PRELID3B: variants seen among roughly 807,000 people sequenced by gnomAD.
PRELID3B encodes PRELI domain containing protein 3B.
A neutral mutation model predicts 24.0 loss-of-function variants in PRELID3B; 15 were observed. The ratio of observed to expected loss-of-function variants is 0.63; its 90% CI spans 0.42 to 0.96. The LOEUF is 0.96. PRELID3B is among the 40% of genes least tolerant of loss of function. PRELID3B has a pLI of 0.00. For missense variants in PRELID3B, 189 were observed against 236.0 expected (o/e 0.80, Z 1.30); for synonymous variants, 62 against 76.0 (o/e 0.82, Z 0.96).
chr20:59,041,242 C>T (rs991415512), intron 1 of PRELID3B, among the ~76,000 whole-genome samples: 17 of 152,120 alleles, frequency 1.1e-4, no homozygotes, highest in African/African-American at 3.4e-4. Context: ...GTGATGAATG[C>T]GACCAGGTTA....
Position 59,034,889 on chromosome 20 carries a change from T to TTAA in PRELID3B, c.*117_*118insTTA. 2 of 545,186 alleles carry TTAA rather than the reference T, an allele frequency of 3.7e-6. No homozygotes were observed. Among genetic ancestry groups the TTAA allele is most frequent in the Non-Finnish European group, 5.1e-6 (2 of 388,562 alleles). 33.8% of individuals were successfully genotyped at this position (545,186 alleles called of 1,614,324 possible). A position where few individuals can be genotyped will look rare whatever the true frequency, so the allele number is the denominator to read the frequency against. On this transcript the variant is annotated 3_prime_UTR_variant, in exon 6 of 6. Coordinates refer to ENST00000355937, the MANE Select transcript of PRELID3B (RefSeq NM_016045.3). ...AGTCACATAGCCTTACACCAACTTATCAAAAAAAAAAAAAAAAAAACTACC... is the reference window on the plus strand; with the variant it reads ...AGTCACATAGCCTTACACCAACTTATTAACAAAAAAAAAAAAAAAAAAACTACC...
chr20:59,036,608 C>T (rs2092074258), intron 4 of PRELID3B, 35 bp from the exon 5 acceptor site: 2 of 1,592,386 alleles, frequency 1.3e-6, no homozygotes, highest in African/African-American at 2.7e-5. Flanking sequence ...GTTCAGATGA[C>T]CCAGCTTTCA....
chr20:59,038,249 G>A (rs780753951), intron 2 of PRELID3B: 27 of 449,038 alleles, frequency 6.0e-5, no homozygotes, highest in Non-Finnish European at 9.8e-5. Flanking sequence ...GCATTAGCTG[G>A]CTTCCTTAAG....
At chr20:59,039,126 T>C (rs150243204) in intron 1 of PRELID3B, among the ~76,000 whole-genome samples, 118 of 152,326 alleles carry the variant, frequency 7.7e-4, no homozygotes, top group African/African-American at 2.8e-3. Flanking sequence ...ATCCAAAGCA[T>C]TGATTTAATT....
intron 3 of PRELID3B, 100 bp downstream of exon 3, chr20:59,037,091 A>AC: frequency 1.1e-6 from 1 of 877,474 alleles, no homozygotes; most frequent in Non-Finnish European, 1.8e-6. Context: ...GATTCTCTGA[A>AC]CCACATCATG....
In PRELID3B at chr20:59,035,021, A is replaced by T; in HGVS notation, c.571T>A (p.Phe191Ile). Residue 191 changes from phenylalanine to isoleucine, a missense_variant, in exon 6 of 6, where the codon TTT becomes ATT. Coordinates refer to ENST00000355937, the MANE Select transcript of PRELID3B (RefSeq NM_016045.3). ...AACTGTCACGATCACTTCTCTGCAA[A>T]CGCTGCTGCTGCCATTGGAGTCCTT... ...TIRTPMAAAA[F>I]AEK The T allele has an allele frequency of 6.2e-7, 1 of 1,613,400 alleles. No homozygotes were observed. Among genetic ancestry groups the T allele is most frequent in the Non-Finnish European group, 8.5e-7 (1 of 1,179,730 alleles).
chr20:59,035,473 G>A (rs2146390125), intron 5 of PRELID3B, among the ~76,000 whole-genome samples: 1 of 152,268 alleles, frequency 6.6e-6, no homozygotes, highest in Non-Finnish European at 1.5e-5. Context: ...AAAATCCTGT[G>A]CAAGGTCCTG....
In PRELID3B at chr20:59,035,092, AATTTATG is replaced by A; in HGVS notation, c.493_499del (p.His165Ter). The A allele has an allele frequency of 6.2e-7, 1 of 1,613,668 alleles. No homozygotes were observed. The highest frequency in any genetic ancestry group is 8.5e-7 in the Non-Finnish European group (1 of 1,179,836). ...TGTCAGTTCTTCAATCTCAGCATTTAATTTATGTATTACCCATTCCATTGCTTCTCGG... is the reference window on the plus strand; with the variant it reads ...TGTCAGTTCTTCAATCTCAGCATTTATATTACCCATTCCATTGCTTCTCGG... On this transcript the variant is annotated frameshift_variant, in exon 6 of 6. Transcript: ENST00000355937. LOFTEE classifies it high-confidence loss of function.
intron 3 of PRELID3B, 96 bp downstream of exon 3, chr20:59,037,095 C>T: frequency 1.1e-6 from 1 of 904,478 alleles, no homozygotes; most frequent in Non-Finnish European, 1.8e-6. Flanking sequence ...CTCTGAACCA[C>T]ATCATGAACA....
chr20:59,035,890 G>T (rs1339638174), intron 5 of PRELID3B, among the ~76,000 whole-genome samples: 1 of 152,108 alleles, frequency 6.6e-6, no homozygotes, highest in African/African-American at 2.4e-5. Context: ...CATGTGTTAT[G>T]TAACAGTGCA....
chr20:59,034,907 AAACT>A lies in PRELID3B; in HGVS notation c.*96_*99del. 1 of 1,145,148 alleles carries A rather than the reference AAACT, an allele frequency of 8.7e-7. No individual in the cohort carries two copies. The highest frequency in any genetic ancestry group is 1.1e-6 in the Non-Finnish European group (1 of 873,474). The allele number at this position is 1,145,148 out of a possible 1,614,324, so 70.9% of individuals were successfully genotyped here. On this transcript the variant is annotated 3_prime_UTR_variant, in exon 6 of 6. Transcript: ENST00000355937. ...CAACTTATCAAAAAAAAAAAAAAAAAAACTACCCAAAATATAGTTGTATTTTTAA... is the reference window on the plus strand; with the variant it reads ...CAACTTATCAAAAAAAAAAAAAAAAAACCCAAAATATAGTTGTATTTTTAA...
chr20:59,033,163 T>G lies in PRELID3B; in HGVS notation c.*1844A>C, dbSNP rs2092046478. ...AAAAACATCACTTAAAAGAAAGTTT[T>G]TATTAACAAAAGTTTTCCTTAATTC... On this transcript the variant is annotated 3_prime_UTR_variant, in exon 6 of 6. Coordinates refer to ENST00000355937, the MANE Select transcript of PRELID3B (RefSeq NM_016045.3). The G allele has an allele frequency of 6.6e-6, 1 of 152,238 alleles. No individual in the cohort carries two copies. The highest frequency in any genetic ancestry group is 6.6e-5 in the Admixed American group (1 of 15,264). The allele number at this position is 152,238 out of a possible 1,614,324, so 9.4% of individuals were successfully genotyped here.
intron 1 of PRELID3B, among the ~76,000 whole-genome samples, chr20:59,039,490 C>T (rs2092096896): frequency 6.6e-6 from 1 of 152,200 alleles, no homozygotes; most frequent in Admixed American, 6.5e-5. Flanking sequence ...CAAAAAATAT[C>T]ATTTTCAAAA....
chr20:59,042,673 G>A (rs776406316), intron 1 of PRELID3B, 26 bp downstream of exon 1: 2 of 1,579,116 alleles, frequency 1.3e-6, no homozygotes, highest in Admixed American at 1.8e-5. Context: ...TGCCCTCCAC[G>A]GAGCCGACCC....
At chr20:59,038,677 T>C in intron 1 of PRELID3B, 43 bp from the exon 2 acceptor site, 2 of 1,522,112 alleles carry the variant, frequency 1.3e-6, no homozygotes, top group Non-Finnish European at 1.8e-6. Context: ...AATTCAGACA[T>C]TTAAAATTAT....
At position 59,040,596 on chromosome 20, in the gene PRELID3B, G is replaced by C. The variant is rs1408008189; in HGVS notation, c.33-1962C>G. On this transcript the variant is annotated intron_variant, in intron 1 of 5. Coordinates refer to ENST00000355937, the MANE Select transcript of PRELID3B (RefSeq NM_016045.3). This position sits in a 1 kb window ranked among gnomAD's most constrained non-coding sequence, Gnocchi z 4.1. ...AGAAGAAAAGTGTTGGAAAATCAAAGACAGATAAGATGTAGAATGATGACT... is the reference window on the plus strand; with the variant it reads ...AGAAGAAAAGTGTTGGAAAATCAAACACAGATAAGATGTAGAATGATGACT... Among the ~76,000 whole-genome samples, 2 of 152,244 alleles carry C rather than the reference G, an allele frequency of 1.3e-5. No homozygotes were observed. Among genetic ancestry groups the C allele is most frequent in the Non-Finnish European group, 2.9e-5 (2 of 68,038 alleles).
In PRELID3B at chr20:59,034,797, G is replaced by C; in HGVS notation, c.*210C>G. The C allele has an allele frequency of 4.9e-6, 2 of 408,920 alleles. No homozygotes were observed. Among genetic ancestry groups the C allele is most frequent in the Non-Finnish European group, 8.4e-6 (2 of 236,980 alleles). 25.3% of individuals were successfully genotyped at this position (408,920 alleles called of 1,614,324 possible). On this transcript the variant is annotated 3_prime_UTR_variant, in exon 6 of 6. Transcript: ENST00000355937. ...ATACTGGAACCCTCAAAATCAGATA[G>C]TAATTTCAAACAACATTAATTTCAG...
intron 1 of PRELID3B, among the ~76,000 whole-genome samples, chr20:59,039,697 T>C (rs2092098113): frequency 6.6e-6 from 1 of 152,226 alleles, no homozygotes. Flanking sequence ...GTAAAACAAG[T>C]AGACATTATT....
rs145582485 is a variant in PRELID3B at position 59,037,261 on chromosome 20, G to A, written c.221C>T (p.Thr74Met). The A allele has an allele frequency of 4.6e-4, 737 of 1,613,602 alleles. 2 individuals carry two copies. The African/African-American group carries it at 8.8e-3, about 19-fold the overall frequency. ...IVKSLIGAAR[T>M]KTYVQEHSVV... The stretch of plus-strand genomic sequence containing the variant: ...AGAATGTTCTTGCACATATGTTTTC[G>A]TTCTTGCTGCACCAATAAGCTAAGT... The change falls in exon 3 of 6, where the codon ACG becomes ATG. Residue 74 changes from threonine (T) to methionine (M), a missense_variant. Coordinates refer to ENST00000355937, the MANE Select transcript of PRELID3B (RefSeq NM_016045.3).
Sources: gnomAD v4.1 joint callset for allele counts (sites outside exome capture counted in the v4.1 genomes callset) on GRCh38, gnomAD v4.1.1 for gene constraint, Gnocchi (gnomAD v3.1) non-coding constraint, MANE v1.5 for transcripts, NCBI Gene and HGNC (gene_info 2026-07-23, HGNC 2026-07-21) for gene names.